The following RHOH variants were observed in gnomAD, a reference collection of about 807,000 sequenced individuals.
RHOH encodes the protein ras homolog family member H, also known as rho-related GTP-binding protein RhoH.
In RHOH, 6 loss-of-function variants were observed where a neutral mutation model predicts 13.8. The ratio of observed to expected loss-of-function variants is 0.44; its 90% CI spans 0.24 to 0.86. RHOH has a LOEUF of 0.86. Among genes scored for constraint, RHOH ranks in the 40% least tolerant of loss-of-function variants. The probability of loss-of-function intolerance (pLI) is 0.24; values close to 1 mark genes in which losing one functional copy is unlikely to be tolerated. For missense variants in RHOH, 147 were observed against 244.5 expected, an observed-to-expected ratio of 0.60 and a Z score of 2.66; for synonymous variants, 117 against 103.0, an observed-to-expected ratio of 1.14 and a Z score of -0.82.
chr4:40,195,932 TAC>T (rs1395361986), upstream of RHOH, among the ~76,000 whole-genome samples: 2 of 152,246 alleles, frequency 1.3e-5, no homozygotes, highest in Non-Finnish European at 2.9e-5. Flanking sequence ...TGATTCCCTC[TAC>T]AACTATGCTG....
intron 1 of RHOH, among the ~76,000 whole-genome samples, chr4:40,235,909 G>A (rs946800130): frequency 6.6e-6 from 1 of 151,824 alleles, no homozygotes; most frequent in Non-Finnish European, 1.5e-5. Context: ...TTGAACCCGG[G>A]AGGTCCAGGC....
At chr4:40,207,760 A>G (rs1336545108) in intron 1 of RHOH, among the ~76,000 whole-genome samples, 4 of 152,230 alleles carry the variant, frequency 2.6e-5, no homozygotes, top group Non-Finnish European at 5.9e-5. Context: ...TGAGGTCAGG[A>G]GTTCGAGACC....
At chr4:40,235,523 G>A (rs1226410163) in intron 1 of RHOH, among the ~76,000 whole-genome samples, 1 of 143,426 alleles carries the variant, frequency 7.0e-6, no homozygotes, top group Non-Finnish European at 1.5e-5. Flanking sequence ...CCAGGAGGTG[G>A]AGATTGCAGT....
Position 40,244,252 on chromosome 4 carries a change from G to T in RHOH, c.*290G>T, listed in dbSNP as rs1288156223. 6.2e-6 allele frequency: 2 copies of T among 323,658 alleles called. No homozygotes were observed. Among genetic ancestry groups the T allele is most frequent in the Non-Finnish European group, 1.2e-5 (2 of 169,134 alleles). 20.0% of individuals were successfully genotyped at this position (323,658 alleles called of 1,614,324 possible). On this transcript the variant is annotated 3_prime_UTR_variant, in exon 3 of 3. Coordinates refer to ENST00000381799, the MANE Select transcript of RHOH (RefSeq NM_004310.5). ...TCTCCATAATTTTGGACGATGAAGT[G>T]AGTTTTTCAAAGAATTCCATATTTA...
At chr4:40,216,189 C>T (rs1725862815) in intron 1 of RHOH, among the ~76,000 whole-genome samples, 1 of 147,254 alleles carries the variant, frequency 6.8e-6, no homozygotes, top group Non-Finnish European at 1.5e-5. Context: ...GGTTTTTAGG[C>T]CATGCACAGG....
chr4:40,238,779 T>A (rs1161141415), intron 1 of RHOH, among the ~76,000 whole-genome samples: 2 of 152,182 alleles, frequency 1.3e-5, no homozygotes, highest in Non-Finnish European at 2.9e-5. Context: ...AACTCTTCCG[T>A]ACGAAGAGAC....
At chr4:40,211,395 A>C (rs1364400524) in intron 1 of RHOH, among the ~76,000 whole-genome samples, 2 of 152,088 alleles carry the variant, frequency 1.3e-5, no homozygotes, top group African/African-American at 4.8e-5. Context: ...CCTCACAAGT[A>C]GCTGGGATTA....
intron 1 of RHOH, among the ~76,000 whole-genome samples, chr4:40,227,565 G>A (rs563118145): frequency 3.9e-5 from 6 of 152,116 alleles, no homozygotes; most frequent in African/African-American, 1.4e-4. Context: ...TCCGCAGCAG[G>A]GAACATGCTA....
chr4:40,221,438 G>A lies in RHOH; in HGVS notation c.-330-21276G>A, dbSNP rs114430737. On this transcript the variant is annotated intron_variant, in intron 1 of 2. Transcript: ENST00000381799. Reference sequence around the variant, plus strand: ...CTATCGGCACCATTTTCCCAACAGCGTATGCTCACTTCATGGCTCTGTCAC... The same window carrying A: ...CTATCGGCACCATTTTCCCAACAGCATATGCTCACTTCATGGCTCTGTCAC... 2.4e-3 allele frequency among the ~76,000 whole-genome samples: 364 copies of A among 152,220 alleles called. 1 individual carries two copies. Among genetic ancestry groups the A allele is most frequent in the Non-Finnish European group, 4.0e-3 (273 of 68,010 alleles).
chr4:40,240,760 G>C (rs1441248939), intron 1 of RHOH, among the ~76,000 whole-genome samples: 1 of 152,036 alleles, frequency 6.6e-6, no homozygotes, highest in African/African-American at 2.4e-5. Flanking sequence ...CTGGGCAACA[G>C]AGCAAAACTC....
At chr4:40,203,884 G>A (rs535635989) in intron 1 of RHOH, among the ~76,000 whole-genome samples, 8 of 152,302 alleles carry the variant, frequency 5.3e-5, no homozygotes, top group Non-Finnish European at 1.0e-4. Flanking sequence ...TCAGGCCATC[G>A]AGCGGTGGTT....
At chr4:40,235,962 A>AG (rs1428835567) in intron 1 of RHOH, among the ~76,000 whole-genome samples, 3 of 138,282 alleles carry the variant, frequency 2.2e-5, no homozygotes, top group African/African-American at 9.4e-5. Flanking sequence ...AGCCTGGCAC[A>AG]CAGAGTAAGA....
chr4:40,243,923 A>G lies in RHOH; in HGVS notation c.537A>G (p.Arg179=), dbSNP rs1729575768. 4 of 1,613,680 alleles carry G rather than the reference A, an allele frequency of 2.5e-6. No homozygotes were observed. The highest frequency in any genetic ancestry group is 3.4e-6 in the Non-Finnish European group (4 of 1,179,652). The change falls in exon 3 of 3, where the codon AGA becomes AGG. Residue 179 remains arginine (R), a synonymous_variant. Transcript: ENST00000381799. The surrounding 1 kb of genome is among the most constrained non-coding windows in gnomAD (Gnocchi z 6.2). ...TCAACCAGGCCAGGAGACGAAACAGAAGGAGGCTCTTCTCCATCAATGAGT... is the reference window on the plus strand; with the variant it reads ...TCAACCAGGCCAGGAGACGAAACAGGAGGAGGCTCTTCTCCATCAATGAGT... ...TAVNQARRRN[R]RRLFSINECK...
At chr4:40,238,498 T>G (rs1728856960) in intron 1 of RHOH, among the ~76,000 whole-genome samples, 1 of 152,230 alleles carries the variant, frequency 6.6e-6, no homozygotes, top group Non-Finnish European at 1.5e-5. Flanking sequence ...TATCTTGGTC[T>G]CTTTGCCAGA....
intron 1 of RHOH, among the ~76,000 whole-genome samples, chr4:40,216,408 G>A (rs574986930): frequency 6.6e-6 from 1 of 152,142 alleles, no homozygotes; most frequent in African/African-American, 2.4e-5. Flanking sequence ...GGCAGAGGTG[G>A]CAGTAAGCCG....
At chr4:40,233,638 C>T (rs767387857) in intron 1 of RHOH, among the ~76,000 whole-genome samples, 64 of 152,198 alleles carry the variant, frequency 4.2e-4, no homozygotes, top group Middle Eastern at 6.8e-3. Context: ...TATGTTGCAG[C>T]GAGAAAGCAG....
At chr4:40,199,971 T>A (rs919347448) in intron 1 of RHOH, among the ~76,000 whole-genome samples, 1 of 152,084 alleles carries the variant, frequency 6.6e-6, no homozygotes, top group African/African-American at 2.4e-5. Context: ...ATGACGTGAG[T>A]CACACGGTGA....
chr4:40,216,409 C>G (rs543564790), intron 1 of RHOH, among the ~76,000 whole-genome samples: 1 of 151,818 alleles, frequency 6.6e-6, no homozygotes, highest in African/African-American at 2.4e-5. Flanking sequence ...GCAGAGGTGG[C>G]AGTAAGCCGA....
chr4:40,223,449 G>C (rs1468092971), intron 1 of RHOH, among the ~76,000 whole-genome samples: 2 of 150,348 alleles, frequency 1.3e-5, no homozygotes, highest in African/African-American at 2.4e-5. Flanking sequence ...CTTGCTGAAG[G>C]CTCAGATGAT....
Sources: allele counts gnomAD v4.1 joint callset (sites outside exome capture counted in the v4.1 genomes callset), GRCh38; gene constraint gnomAD v4.1.1; non-coding constraint Gnocchi (gnomAD v3.1); transcripts MANE v1.5; gene names NCBI Gene and HGNC (gene_info 2026-07-23, HGNC 2026-07-21).